LIPA: variants seen among roughly 807,000 people sequenced by gnomAD.
The protein encoded by LIPA is lysosomal acid lipase/cholesteryl ester hydrolase.
Under a neutral mutation model 40.6 loss-of-function variants are expected in LIPA, and 26 were observed. That is an observed-to-expected ratio of 0.64 (90% confidence interval 0.47 to 0.89). The LOEUF is 0.89. Among genes scored for constraint, LIPA ranks in the 40% least tolerant of loss-of-function variants. The pLI, the probability that LIPA is intolerant of heterozygous loss-of-function variation, is 0.00. For synonymous variants in LIPA, 188 were observed against 168.4 expected, an observed-to-expected ratio of 1.12 and a Z score of -0.90; for missense variants, 455 against 479.6, an observed-to-expected ratio of 0.95 and a Z score of 0.48.
At chr10:89,282,712 C>G (rs775563315) in intron 1 of LIPA, among the ~76,000 whole-genome samples, 5 of 152,178 alleles carry the variant, frequency 3.3e-5, no homozygotes, top group Non-Finnish European at 7.4e-5. Context: ...AGGCACTATT[C>G]TAAGAGCTTC....
intron 2 of LIPA, chr10:89,383,920 C>G (rs755783048): frequency 6.2e-6 from 10 of 1,614,196 alleles, no homozygotes; most frequent in Non-Finnish European, 8.5e-6. Flanking sequence ...GGCATTTTCT[C>G]TGCACGTCCT....
At chr10:89,361,906 TTTTTTTG>T (rs2133592399) in intron 2 of LIPA, among the ~76,000 whole-genome samples, 9 of 117,698 alleles carry the variant, frequency 7.6e-5, no homozygotes, top group Admixed American at 1.8e-4. Context: ...TTTTTTTTTT[TTTTTTTG>T]AGACAGGATC....
intron 2 of LIPA, chr10:89,403,184 G>A (rs1432282896): frequency 1.2e-6 from 2 of 1,613,908 alleles, no homozygotes; most frequent in Non-Finnish European, 1.7e-6. Flanking sequence ...TCCAAATCAA[G>A]GAGGCTACAA....
At chr10:89,362,675 C>A in intron 2 of LIPA, 1 of 628,798 alleles carries the variant, frequency 1.6e-6, no homozygotes, top group Non-Finnish European at 2.6e-6. Context: ...AGGTAGAGAA[C>A]ATTTGCAAGA....
chr10:89,311,742 C>G (rs1014804933), intron 1 of LIPA, among the ~76,000 whole-genome samples: 34 of 152,042 alleles, frequency 2.2e-4, no homozygotes, highest in African/African-American at 8.2e-4. Context: ...GTTGATTTGT[C>G]TAGGTGTTAA....
At chr10:89,321,456 G>T (rs1259802652) in intron 1 of LIPA, among the ~76,000 whole-genome samples, 6 of 152,120 alleles carry the variant, frequency 3.9e-5, no homozygotes, top group African/African-American at 1.4e-4. Context: ...GCAGCCAACA[G>T]ACACATGAAA....
In LIPA at chr10:89,216,552, GA is replaced by G. The variant is rs58986155; in HGVS notation, c.895-544del. 1.9e-3 allele frequency among the ~76,000 whole-genome samples: 292 copies of G among 151,462 alleles called. 1 individual carries two copies. Among genetic ancestry groups the G allele is most frequent in the African/African-American group, 6.6e-3 (271 of 41,270 alleles). The stretch of plus-strand genomic sequence containing the variant: ...ATATTTTGCAGATGGAAAATATTTG[GA>G]AAAAAACAATAAAAGATAATAAAAC... On this transcript the variant is annotated intron_variant, in intron 8 of 9. Coordinates refer to ENST00000336233, the MANE Select transcript of LIPA (RefSeq NM_000235.4).
At position 89,281,455 on chromosome 10, in the gene LIPA, G is replaced by GA. The variant is rs201841880; in HGVS notation, c.-1-33807dup. Among the ~76,000 whole-genome samples, 1,252 of 151,686 alleles carry GA rather than the reference G, an allele frequency of 8.3e-3. 23 individuals carry two copies. The highest frequency in any genetic ancestry group is 0.029 in the African/African-American group (1,182 of 41,332). Reference sequence around the variant, plus strand: ...CTGTCTCTCTCATTGTAATAGTCTTGAAAAAAAATAAAAGTCTCTCTTGAC... The same window carrying GA: ...CTGTCTCTCTCATTGTAATAGTCTTGAAAAAAAAATAAAAGTCTCTCTTGAC... On this transcript the variant is annotated intron_variant, in intron 1 of 5. Coordinates refer to the LIPA transcript ENST00000282673.
At chr10:89,218,888 T>A (rs1842661884) in intron 8 of LIPA, among the ~76,000 whole-genome samples, 1 of 152,230 alleles carries the variant, frequency 6.6e-6, no homozygotes, top group Non-Finnish European at 1.5e-5. Flanking sequence ...TTAACTTGTA[T>A]CTAACAAATA....
chr10:89,384,142 G>A lies in LIPA; in HGVS notation c.61+28649C>T, dbSNP rs749443530. 18 of 1,614,046 alleles carry A rather than the reference G, an allele frequency of 1.1e-5. No individual in the cohort carries two copies. The South Asian group carries it at 2.0e-4, about 18-fold the overall frequency. ...TAAAGCTCTTGAGCTCTTAAAAATGGCCTTGGAGACAACACCCACTTCTGC... is the reference window on the plus strand; with the variant it reads ...TAAAGCTCTTGAGCTCTTAAAAATGACCTTGGAGACAACACCCACTTCTGC... On this transcript the variant is annotated intron_variant, in intron 2 of 8. Coordinates refer to the LIPA transcript ENST00000371837.
At chr10:89,344,255 C>G (rs958938464), upstream of LIPA, among the ~76,000 whole-genome samples, 5 of 152,192 alleles carry the variant, frequency 3.3e-5, no homozygotes, top group Non-Finnish European at 7.3e-5. Flanking sequence ...AAGGAATTCC[C>G]TGAAGTCCAG....
chr10:89,403,791 T>A, intron 2 of LIPA: 1 of 762,038 alleles, frequency 1.3e-6, no homozygotes, highest in Non-Finnish European at 2.1e-6. Context: ...GCTTACTGTT[T>A]TCAGAAACAT....
chr10:89,367,559 G>A (rs1305067293), intron 2 of LIPA, among the ~76,000 whole-genome samples: 2 of 152,218 alleles, frequency 1.3e-5, no homozygotes, highest in East Asian at 3.8e-4. Flanking sequence ...TTTACTAGAA[G>A]TTAGATGGCA....
At chr10:89,350,039 C>T (rs1290842721) in intron 2 of LIPA, among the ~76,000 whole-genome samples, 1 of 152,084 alleles carries the variant, frequency 6.6e-6, no homozygotes, top group Admixed American at 6.6e-5. Flanking sequence ...CATTAGTTTC[C>T]CCAAATATTT....
rs368741645 is a variant in LIPA, at chr10:89,307,305, A to G, written c.-2+35306T>C. On this transcript the variant is annotated intron_variant, in intron 1 of 5. Coordinates refer to the LIPA transcript ENST00000282673. The stretch of plus-strand genomic sequence containing the variant: ...CTGAATGAAAAAATGCAACAAGCAG[A>G]TGAAGACTCTGAGAGGGGTTTGGAG... 29 of 1,613,868 alleles carry G rather than the reference A, an allele frequency of 1.8e-5. No homozygotes were observed. Among genetic ancestry groups the G allele is most frequent in the Non-Finnish European group, 2.5e-5 (29 of 1,179,908 alleles).
chr10:89,251,509 C>T (rs1006950798), intron 1 of LIPA, among the ~76,000 whole-genome samples: 4 of 152,096 alleles, frequency 2.6e-5, no homozygotes, highest in South Asian at 4.1e-4. Context: ...AGAGAGTGGG[C>T]TTCTCTCTGA....
intron 2 of LIPA, among the ~76,000 whole-genome samples, chr10:89,401,786 A>C (rs1363134237): frequency 1.7e-5 from 1 of 59,088 alleles, no homozygotes; most frequent in African/African-American, 1.3e-4. Context: ...AGTAAAAAAA[A>C]AATGAAAAAA....
intron 3 of LIPA, among the ~76,000 whole-genome samples, chr10:89,231,296 A>C (rs923205787): frequency 1.3e-5 from 2 of 152,202 alleles, no homozygotes; most frequent in African/African-American, 4.8e-5. Flanking sequence ...GATAACTAGC[A>C]AATTGTTTTT....
intron 2 of LIPA, among the ~76,000 whole-genome samples, chr10:89,408,897 T>A (rs1220610914): frequency 2.0e-5 from 3 of 152,212 alleles, no homozygotes; most frequent in Non-Finnish European, 4.4e-5. Context: ...ATCCCCATTA[T>A]GGATCCCCAC....
Sources: allele counts gnomAD v4.1 joint callset (sites outside exome capture counted in the v4.1 genomes callset), GRCh38; gene constraint gnomAD v4.1.1; transcripts MANE v1.5; gene names NCBI Gene and HGNC (gene_info 2026-07-23, HGNC 2026-07-21).